Variants in BNC2 observed in about 807,000 individuals in gnomAD.
BNC2 encodes the protein basonuclin zinc finger protein 2.
In BNC2, 20 loss-of-function variants were observed where a neutral mutation model predicts 76.3. The ratio of observed to expected loss-of-function variants is 0.26; its 90% CI spans 0.18 to 0.38. The LOEUF is 0.38. Among genes scored for constraint, BNC2 ranks in the 10% least tolerant of loss-of-function variants. The probability of loss-of-function intolerance (pLI) is 1.00; values close to 1 mark genes in which losing one functional copy is unlikely to be tolerated. For missense variants in BNC2, 1,382 were observed against 1,399.8 expected (o/e 0.99, Z 0.20); for synonymous variants, 582 against 514.8 (o/e 1.13, Z -1.77).
chr9:16,592,452 T>C (rs1819956601), intron 3 of BNC2, among the ~76,000 whole-genome samples: 1 of 152,146 alleles, frequency 6.6e-6, no homozygotes, highest in Non-Finnish European at 1.5e-5. Context: ...CCAAATATTA[T>C]TATTCCATTC....
chr9:16,427,532 A>G (rs1218847868), intron 6 of BNC2, among the ~76,000 whole-genome samples: 1 of 152,202 alleles, frequency 6.6e-6, no homozygotes, highest in Non-Finnish European at 1.5e-5. Context: ...GCAGCTCTGG[A>G]CCTTGCCAAC....
At chr9:16,712,430 A>C (rs962786147) in intron 3 of BNC2, among the ~76,000 whole-genome samples, 1 of 152,226 alleles carries the variant, frequency 6.6e-6, no homozygotes, top group African/African-American at 2.4e-5. Context: ...GATTTTTTCC[A>C]AAATAAAGCA....
At chr9:16,777,312 G>T (rs1054756835) in intron 1 of BNC2, among the ~76,000 whole-genome samples, 1 of 152,066 alleles carries the variant, frequency 6.6e-6, no homozygotes, top group Non-Finnish European at 1.5e-5. Context: ...GGGACATTCT[G>T]CCACATGAGT....
At chr9:16,613,738 T>A (rs1431475209) in intron 3 of BNC2, among the ~76,000 whole-genome samples, 3 of 152,196 alleles carry the variant, frequency 2.0e-5, no homozygotes, top group Non-Finnish European at 4.4e-5. Context: ...AAGTGAGAAA[T>A]CCTGGGTAAC....
intron 1 of BNC2, among the ~76,000 whole-genome samples, chr9:16,838,404 A>T (rs1818754323): frequency 6.6e-6 from 1 of 152,142 alleles, no homozygotes; most frequent in African/African-American, 2.4e-5. Context: ...AAAAGAAAAA[A>T]TACAAAATCA....
At chr9:16,551,684 T>C (rs549980992) in intron 5 of BNC2, among the ~76,000 whole-genome samples, 32 of 152,316 alleles carry the variant, frequency 2.1e-4, no homozygotes, top group Admixed American at 3.9e-4. Context: ...TCCTGGGATC[T>C]CCCAAAATGC....
rs1485817969 is a variant in BNC2 at position 16,411,496 on chromosome 9, T to A, written c.*7493A>T. 2.0e-5 allele frequency: 3 copies of A among 152,628 alleles called. No individual in the cohort carries two copies. Among genetic ancestry groups the A allele is most frequent in the Non-Finnish European group, 4.4e-5 (3 of 68,040 alleles). 9.5% of individuals were successfully genotyped at this position (152,628 alleles called of 1,614,324 possible). On this transcript the variant is annotated 3_prime_UTR_variant, in exon 7 of 7. Transcript: ENST00000380672. ...TAGAGTTAAGGGGAGAAAGCTAGTA[T>A]CAGCGAGCAGAACTTGTGCAATTTT...
intron 2 of BNC2, among the ~76,000 whole-genome samples, chr9:16,734,378 G>A (rs2135072143): frequency 6.6e-6 from 1 of 152,278 alleles, no homozygotes; most frequent in Middle Eastern, 3.4e-3. Flanking sequence ...TGCTCTTAAG[G>A]GTCTTTACAG....
intron 3 of BNC2, among the ~76,000 whole-genome samples, chr9:16,704,456 T>C (rs1318582840): frequency 6.6e-6 from 1 of 151,984 alleles, no homozygotes; most frequent in East Asian, 1.9e-4. Flanking sequence ...CCCAAATGAC[T>C]GCATCTTTCA....
intron 2 of BNC2, among the ~76,000 whole-genome samples, chr9:16,732,914 T>C (rs926044275): frequency 1.3e-5 from 2 of 152,240 alleles, no homozygotes; most frequent in East Asian, 1.9e-4. Context: ...TCCAATCTTA[T>C]ATGTGGACTC....
Position 16,419,369 on chromosome 9 carries a change from T to C in BNC2, c.2920A>G (p.Ile974Val), listed in dbSNP as rs35005898. ...GCGTCGGATTCTCTGGAGGAATGGA[T>C]ACTGCTGCTGGACTGGAGGCTGGAG... ...TTSSLQSSSS[I>V]HSSRESDAGS... The change falls in exon 7 of 7, where the codon ATC becomes GTC. Residue 974 changes from isoleucine to valine, a missense_variant. This residue lies in a region of BNC2 where 798 missense variants were observed against 775.5 expected (regional missense o/e 1.03). Coordinates refer to ENST00000380672, the MANE Select transcript of BNC2 (RefSeq NM_017637.6). 20,464 of 1,606,930 alleles carry C rather than the reference T, an allele frequency of 0.013. 177 individuals carry two copies. Among genetic ancestry groups the C allele is most frequent in the Non-Finnish European group, 0.016 (18,767 of 1,175,904 alleles).
At position 16,849,764 on chromosome 9, in the gene BNC2, T is replaced by C. The variant is rs569776506; in HGVS notation, c.3+20882A>G. On this transcript the variant is annotated intron_variant, in intron 1 of 6. Coordinates refer to ENST00000380672, the MANE Select transcript of BNC2 (RefSeq NM_017637.6). ...AAGCACTAATGCTTTTCTTAATTGA[T>C]AACCAAAAAGTCAACATAAAAAAAC... Among the ~76,000 whole-genome samples, 4 of 152,074 alleles carry C rather than the reference T, an allele frequency of 2.6e-5. No homozygotes were observed. In the East Asian group the frequency reaches 7.7e-4, roughly 29 times the overall value.
At chr9:16,714,245 A>G (rs1221280565) in intron 3 of BNC2, among the ~76,000 whole-genome samples, 1 of 152,242 alleles carries the variant, frequency 6.6e-6, no homozygotes, top group African/African-American at 2.4e-5. Context: ...ATGTAACAAT[A>G]AAACTATCTA....
intron 5 of BNC2, among the ~76,000 whole-genome samples, chr9:16,496,831 G>A (rs1822401353): frequency 6.6e-6 from 1 of 152,148 alleles, no homozygotes; most frequent in East Asian, 1.9e-4. Flanking sequence ...TATTCAAGCC[G>A]ATGCTGTATT....
At chr9:16,799,284 T>G (rs1385526136) in intron 1 of BNC2, among the ~76,000 whole-genome samples, 1 of 152,136 alleles carries the variant, frequency 6.6e-6, no homozygotes, top group Non-Finnish European at 1.5e-5. Flanking sequence ...CATTGTTTCC[T>G]TTTCTGCAGA....
At chr9:16,450,091 G>A (rs1297589990) in intron 5 of BNC2, among the ~76,000 whole-genome samples, 1 of 152,044 alleles carries the variant, frequency 6.6e-6, no homozygotes, top group African/African-American at 2.4e-5. Flanking sequence ...AAGGCCACAG[G>A]CTAAGCCAAT....
chr9:16,753,850 G>A (rs1354946090), intron 1 of BNC2, among the ~76,000 whole-genome samples: 1 of 127,176 alleles, frequency 7.9e-6, no homozygotes, highest in Non-Finnish European at 1.6e-5. Context: ...TTGATGTGGA[G>A]CAGATGGGTA....
chr9:16,845,178 T>C lies in BNC2; in HGVS notation c.3+25468A>G, dbSNP rs148504072. On this transcript the variant is annotated intron_variant, in intron 1 of 6. Transcript: ENST00000380672. The stretch of plus-strand genomic sequence containing the variant: ...AAATAACTTTCTCTTAGGCAGCCTA[T>C]CAGTGTAAATTCGGATTTCTATCAT... 3.3e-3 allele frequency among the ~76,000 whole-genome samples: 503 copies of C among 152,330 alleles called. 3 individuals carry two copies. The highest frequency in any genetic ancestry group is 0.012 in the African/African-American group (479 of 41,572).
intron 1 of BNC2, among the ~76,000 whole-genome samples, chr9:16,801,428 G>C (rs1376407222): frequency 6.6e-6 from 1 of 151,474 alleles, no homozygotes; most frequent in Non-Finnish European, 1.5e-5. Context: ...AGTAGAGATG[G>C]GGTTTCACCA....
Sources: allele counts gnomAD v4.1 joint callset (sites outside exome capture counted in the v4.1 genomes callset), GRCh38; gene constraint gnomAD v4.1.1; regional missense constraint gnomAD v4.1.1; transcripts MANE v1.5; gene names NCBI Gene and HGNC (gene_info 2026-07-23, HGNC 2026-07-21).